The following EPB41L3 variants were observed in gnomAD, a reference collection of about 807,000 sequenced individuals.
The protein encoded by EPB41L3 is erythrocyte membrane protein band 4.1 like 3.
In EPB41L3, 57 loss-of-function variants were observed where a neutral mutation model predicts 127.1. That is an observed-to-expected ratio of 0.45 (90% confidence interval 0.36 to 0.56). The LOEUF (loss-of-function observed/expected upper bound fraction) is 0.56, where lower values mean the gene tolerates loss of function less well. Among genes scored for constraint, EPB41L3 ranks in the 20% least tolerant of loss-of-function variants. The pLI, the probability that EPB41L3 is intolerant of heterozygous loss-of-function variation, is 0.00. For synonymous variants in EPB41L3, 572 were observed against 549.5 expected (o/e 1.04, Z -0.57); for missense variants, 1,273 against 1,372.2 (o/e 0.93, Z 1.14).
chr18:5,445,278 C>A (rs1279934734), intron 3 of EPB41L3, 34 bp from the exon 4 acceptor site: 1 of 1,521,250 alleles, frequency 6.6e-7, no homozygotes, highest in Admixed American at 1.7e-5. Flanking sequence ...CAAGTCAATA[C>A]AACACAAAGA....
chr18:5,467,703 T>C lies in EPB41L3; in HGVS notation c.381+10538A>G, dbSNP rs1230661667. ...TGTACAGAATTACAAATACAGGAGG[T>C]AATCAGAAACTTAATTTTCTCAGCT... On this transcript the variant is annotated intron_variant, in intron 3 of 22. Coordinates refer to ENST00000341928, the MANE Select transcript of EPB41L3 (RefSeq NM_012307.5). The C allele has an allele frequency of 2.0e-5, 3 of 152,280 alleles. No individual in the cohort carries two copies. In the South Asian group the frequency reaches 6.2e-4, roughly 32 times the overall value. The allele number at this position is 152,280 out of a possible 1,614,324, so 9.4% of individuals were successfully genotyped here. A position where few individuals can be genotyped will look rare whatever the true frequency, so the allele number is the denominator to read the frequency against.
intron 3 of EPB41L3, among the ~76,000 whole-genome samples, chr18:5,460,647 C>T (rs2083838119): frequency 6.6e-6 from 1 of 152,152 alleles, no homozygotes. Flanking sequence ...GATGGCTGTT[C>T]ATAGTCCACT....
intron 8 of EPB41L3, among the ~76,000 whole-genome samples, chr18:5,430,015 C>T (rs549865267): frequency 2.0e-5 from 3 of 152,274 alleles, no homozygotes; most frequent in African/African-American, 4.8e-5. Context: ...TAGAACAGGA[C>T]TTTAGGAAGT....
intron 1 of EPB41L3, among the ~76,000 whole-genome samples, chr18:5,617,866 G>A (rs1392536689): frequency 6.6e-6 from 1 of 152,154 alleles, no homozygotes; most frequent in Non-Finnish European, 1.5e-5. Flanking sequence ...AAAGAAATGG[G>A]CACTAGAAGA....
At chr18:5,395,426 C>T (rs182897640) in intron 20 of EPB41L3, among the ~76,000 whole-genome samples, 183 bp downstream of exon 20, 2 of 152,252 alleles carry the variant, frequency 1.3e-5, no homozygotes, top group Admixed American at 1.3e-4. Context: ...AAGGGGAACT[C>T]GCACGTGAGG....
At chr18:5,399,594 G>A (rs2074152830) in intron 16 of EPB41L3, 6 of 383,106 alleles carry the variant, frequency 1.6e-5, no homozygotes, top group Non-Finnish European at 2.3e-5. Context: ...ACATTCGGTA[G>A]GTAGAGTTGC....
chr18:5,592,563 A>C (rs2094495856), intron 3 of EPB41L3, among the ~76,000 whole-genome samples: 1 of 152,200 alleles, frequency 6.6e-6, no homozygotes, highest in Non-Finnish European at 1.5e-5. Flanking sequence ...GTTCCTTTGC[A>C]GTCTTGTAGC....
chr18:5,410,692 C>T (rs1040283601), intron 13 of EPB41L3, 73 bp from the exon 14 acceptor site: 4 of 1,240,440 alleles, frequency 3.2e-6, no homozygotes, highest in Non-Finnish European at 4.7e-6. Flanking sequence ...GTTAAACACG[C>T]TCTGGCACAG....
intron 21 of EPB41L3, 95 bp from the exon 22 acceptor site, chr18:5,394,888 C>T (rs2073092330): frequency 1.6e-6 from 2 of 1,242,978 alleles, no homozygotes; most frequent in Non-Finnish European, 2.3e-6. Context: ...AGATCTATAT[C>T]CACAATTTAC....
intron 1 of EPB41L3, among the ~76,000 whole-genome samples, chr18:5,619,616 T>C (rs1420721177): frequency 6.6e-6 from 1 of 152,240 alleles, no homozygotes; most frequent in African/African-American, 2.4e-5. Context: ...AGTGGACTTT[T>C]ATCTTTCTCT....
intron 10 of EPB41L3, 138 bp from the exon 11 acceptor site, chr18:5,423,691 T>C (rs1392991723): frequency 1.4e-5 from 11 of 791,990 alleles, no homozygotes; most frequent in Non-Finnish European, 2.2e-5. Context: ...ATAAATCTGA[T>C]TTCATAAAAG....
chr18:5,461,657 G>A (rs1017328846), intron 3 of EPB41L3, among the ~76,000 whole-genome samples: 1 of 152,180 alleles, frequency 6.6e-6, no homozygotes, highest in Non-Finnish European at 1.5e-5. Context: ...ACTAGGCAAT[G>A]CTAACAAAAT....
chr18:5,433,828 TG>T (rs2079348497), intron 7 of EPB41L3, 74 bp downstream of exon 7: 1 of 1,484,976 alleles, frequency 6.7e-7, no homozygotes, highest in Non-Finnish European at 9.4e-7. Context: ...AAATCAGTAC[TG>T]GGAAGAGGTG....
In EPB41L3 at chr18:5,417,173, T is replaced by C. The variant is rs995182340; in HGVS notation, c.1507-795A>G. ...GCCAGTATTTACTTTCTATTATTTA[T>C]GATGCATAATAACAGAAAGATATAA... On this transcript the variant is annotated intron_variant, in intron 12 of 22. Transcript: ENST00000341928. 1.3e-4 allele frequency among the ~76,000 whole-genome samples: 20 copies of C among 152,362 alleles called. No individual in the cohort carries two copies. The South Asian group carries it at 3.5e-3, about 27-fold the overall frequency.
intron 2 of EPB41L3, among the ~76,000 whole-genome samples, chr18:5,485,180 C>A (rs2089517683): frequency 6.6e-6 from 1 of 151,970 alleles, no homozygotes; most frequent in Non-Finnish European, 1.5e-5. Context: ...CCTAGGGATG[C>A]AGATGGTTAA....
rs1182357224 is a variant in EPB41L3 at position 5,394,676 on chromosome 18, C to T, written c.*6+1G>A. ...CCTAGAGAATCGGCATCACCTCTTACCTCTGGTCAATCCTCTCCATCTTCT... is the reference window on the plus strand; with the variant it reads ...CCTAGAGAATCGGCATCACCTCTTATCTCTGGTCAATCCTCTCCATCTTCT... On this transcript the variant is annotated splice_donor_variant, in intron 22 of 22. Transcript: ENST00000341928. LOFTEE classifies it low-confidence loss of function (3UTR_SPLICE). 21 of 1,612,534 alleles carry T rather than the reference C, an allele frequency of 1.3e-5. No homozygotes were observed. The highest frequency in any genetic ancestry group is 1.6e-5 in the Non-Finnish European group (19 of 1,178,798).
chr18:5,546,567 T>C (rs917189482), upstream of EPB41L3, among the ~76,000 whole-genome samples: 7 of 152,252 alleles, frequency 4.6e-5, no homozygotes, highest in African/African-American at 1.7e-4. Context: ...AAAACCCTAA[T>C]TATGGTAATA....
chr18:5,512,096 G>A (rs1416549270), intron 1 of EPB41L3, among the ~76,000 whole-genome samples: 1 of 152,208 alleles, frequency 6.6e-6, no homozygotes, highest in African/African-American at 2.4e-5. Context: ...AGACCACCCA[G>A]CTGCTTGTTC....
chr18:5,573,569 G>A (rs1056983221), intron 3 of EPB41L3, among the ~76,000 whole-genome samples: 4 of 152,100 alleles, frequency 2.6e-5, no homozygotes, highest in Non-Finnish European at 2.9e-5. Flanking sequence ...GTGGGGAAGA[G>A]GTTTTATGTT....
Sources: gnomAD v4.1 joint callset for allele counts (sites outside exome capture counted in the v4.1 genomes callset) on GRCh38, gnomAD v4.1.1 for gene constraint, MANE v1.5 for transcripts, NCBI Gene and HGNC (gene_info 2026-07-23, HGNC 2026-07-21) for gene names.